PLPPR1: variants seen among roughly 807,000 people sequenced by gnomAD.
PLPPR1 encodes phospholipid phosphatase related 1.
Under a neutral mutation model 33.1 loss-of-function variants are expected in PLPPR1, and 10 were observed. That is an observed-to-expected ratio of 0.30 (90% confidence interval 0.19 to 0.51). The LOEUF is 0.51. Ranked by LOEUF, PLPPR1 falls within the 20% of genes least tolerant of loss-of-function variation. The pLI, the probability that PLPPR1 is intolerant of heterozygous loss-of-function variation, is 0.97. For synonymous variants in PLPPR1, 151 were observed against 151.0 expected (o/e 1.00, Z 0.00); for missense variants, 304 against 408.1 (o/e 0.74, Z 2.20).
Position 101,256,419 on chromosome 9 carries a change from A to C in PLPPR1, c.64-13461A>C, listed in dbSNP as rs1588097763. Among the ~76,000 whole-genome samples the C allele has an allele frequency of 2.0e-5, 3 of 152,114 alleles. No homozygotes were observed. In the South Asian group the frequency reaches 6.2e-4, roughly 32 times the overall value. ...TGATAGTGATGCTGAGCCTGACTGC[A>C]TTGAAGAAGAACTATCTTGTGAGGA... is the stretch of plus-strand genomic sequence containing the variant. On this transcript the variant is annotated intron_variant, in intron 2 of 7. Coordinates refer to ENST00000374874, the MANE Select transcript of PLPPR1 (RefSeq NM_207299.2).
chr9:101,223,362 A>G (rs1826993759), intron 2 of PLPPR1, among the ~76,000 whole-genome samples: 1 of 151,882 alleles, frequency 6.6e-6, no homozygotes, highest in Admixed American at 6.6e-5. Flanking sequence ...AATTGGGGAA[A>G]TCGTGCTATA....
At chr9:101,097,899 G>C (rs1830841355) in intron 1 of PLPPR1, among the ~76,000 whole-genome samples, 1 of 152,182 alleles carries the variant, frequency 6.6e-6, no homozygotes, top group Non-Finnish European at 1.5e-5. Flanking sequence ...GGCATGTCTG[G>C]AGAACCTCAT....
rs572131708 is a variant in PLPPR1 at position 101,100,207 on chromosome 9, A to T, written c.-46+71105A>T. Among the ~76,000 whole-genome samples the T allele has an allele frequency of 6.6e-5, 10 of 152,256 alleles. No homozygotes were observed. The South Asian group carries it at 8.3e-4, about 13-fold the overall frequency. On this transcript the variant is annotated intron_variant, in intron 1 of 7. Coordinates refer to ENST00000374874, the MANE Select transcript of PLPPR1 (RefSeq NM_207299.2). ...AAATTTAGAACGCAGCAAAGTAGAAAGATAAAAAGGTCTGATTTAAAGAAT... is the reference window on the plus strand; with the variant it reads ...AAATTTAGAACGCAGCAAAGTAGAATGATAAAAAGGTCTGATTTAAAGAAT...
intron 1 of PLPPR1, among the ~76,000 whole-genome samples, chr9:101,144,614 C>A (rs767255508): frequency 2.6e-5 from 4 of 152,138 alleles, no homozygotes; most frequent in Non-Finnish European, 5.9e-5. Flanking sequence ...TAACCTTGGA[C>A]TTCCAGCCTC....
chr9:101,222,509 AG>A lies in PLPPR1; in HGVS notation c.63+36955del, dbSNP rs551259432. 4.3e-4 allele frequency among the ~76,000 whole-genome samples: 66 copies of A among 152,258 alleles called. 1 individual carries two copies. In the Middle Eastern group the frequency reaches 0.01, roughly 24 times the overall value. ...GTGTTTTTTCTTCACTGCTTCTCCTAGGGTACCTCCACTTCAGCATGTTTCT... is the reference window on the plus strand; with the variant it reads ...GTGTTTTTTCTTCACTGCTTCTCCTAGGTACCTCCACTTCAGCATGTTTCT... On this transcript the variant is annotated intron_variant, in intron 2 of 7. Transcript: ENST00000374874.
Position 101,047,953 on chromosome 9 carries a change from G to T in PLPPR1, c.-46+18851G>T, listed in dbSNP as rs117596604. 9.4e-4 allele frequency among the ~76,000 whole-genome samples: 143 copies of T among 152,234 alleles called. 1 individual carries two copies. The East Asian group carries it at 0.016, about 17-fold the overall frequency. ...AGAAACTGAACCTTTAATGTTGAAG[G>T]AAGTGATTTAACTTAGGTGTATCTT... On this transcript the variant is annotated intron_variant, in intron 1 of 7. Coordinates refer to ENST00000374874, the MANE Select transcript of PLPPR1 (RefSeq NM_207299.2).
At chr9:101,260,597 C>G (rs1281471637) in intron 2 of PLPPR1, among the ~76,000 whole-genome samples, 1 of 152,096 alleles carries the variant, frequency 6.6e-6, no homozygotes, top group Non-Finnish European at 1.5e-5. Context: ...TTGGATTTAC[C>G]AGGATAGGGA....
chr9:101,274,923 C>T (rs1257394781), intron 3 of PLPPR1, among the ~76,000 whole-genome samples: 1 of 152,152 alleles, frequency 6.6e-6, no homozygotes, highest in African/African-American at 2.4e-5. Flanking sequence ...TCTCTAAGCA[C>T]CTGCCAGTTC....
intron 2 of PLPPR1, among the ~76,000 whole-genome samples, chr9:101,193,317 C>G (rs1266228605): frequency 6.6e-6 from 1 of 152,090 alleles, no homozygotes; most frequent in African/African-American, 2.4e-5. Context: ...TCCTATATTC[C>G]TTAATGGTTC....
chr9:101,072,300 G>A (rs1830491139), intron 1 of PLPPR1, among the ~76,000 whole-genome samples: 1 of 152,030 alleles, frequency 6.6e-6, no homozygotes, highest in African/African-American at 2.4e-5. Flanking sequence ...CCCTCCTCTA[G>A]GTCTTTGGAG....
At chr9:101,307,101 G>A (rs1282273288) in intron 4 of PLPPR1, among the ~76,000 whole-genome samples, 6 of 152,278 alleles carry the variant, frequency 3.9e-5, no homozygotes, top group African/African-American at 9.6e-5. Context: ...GTTGGACAGC[G>A]GATGCTCCTG....
At chr9:101,204,606 G>A (rs894434113) in intron 2 of PLPPR1, among the ~76,000 whole-genome samples, 1 of 152,236 alleles carries the variant, frequency 6.6e-6, no homozygotes, top group Non-Finnish European at 1.5e-5. Context: ...TGGCTACTGT[G>A]TGCACTTCCC....
At chr9:101,046,664 C>T (rs143057370) in intron 1 of PLPPR1, among the ~76,000 whole-genome samples, 3 of 151,718 alleles carry the variant, frequency 2.0e-5, no homozygotes, top group African/African-American at 4.8e-5. Context: ...AGGATGGTCT[C>T]GATCTCCTGA....
chr9:101,092,640 C>G (rs531670123), intron 1 of PLPPR1, among the ~76,000 whole-genome samples: 1 of 152,258 alleles, frequency 6.6e-6, no homozygotes, highest in East Asian at 1.9e-4. Context: ...CGTCCTGTCT[C>G]TGAAGTGAAT....
chr9:101,083,055 T>C lies in PLPPR1; in HGVS notation c.-46+53953T>C, dbSNP rs555332932. On this transcript the variant is annotated intron_variant, in intron 1 of 7. Coordinates refer to ENST00000374874, the MANE Select transcript of PLPPR1 (RefSeq NM_207299.2). ...GAGTAAGCTGAGGCCCGGCCTTTTC[T>C]TTAGAATCTAGTTTAAGGACTGTAA... Among the ~76,000 whole-genome samples the C allele has an allele frequency of 1.2e-4, 18 of 152,284 alleles. No individual in the cohort carries two copies. In the South Asian group the frequency reaches 3.7e-3, roughly 32 times the overall value.
intron 1 of PLPPR1, among the ~76,000 whole-genome samples, chr9:101,037,749 T>A (rs1360050697): frequency 6.6e-6 from 1 of 152,026 alleles, no homozygotes; most frequent in Non-Finnish European, 1.5e-5. Context: ...GACCTTTTCA[T>A]TCACACTTGT....
intron 3 of PLPPR1, among the ~76,000 whole-genome samples, chr9:101,278,877 T>C (rs1311882777): frequency 6.6e-6 from 1 of 152,202 alleles, no homozygotes; most frequent in Non-Finnish European, 1.5e-5. Context: ...ACCCCACCCC[T>C]GTAGTGACCC....
intron 1 of PLPPR1, among the ~76,000 whole-genome samples, chr9:101,081,435 C>G (rs1364395797): frequency 1.3e-5 from 2 of 152,068 alleles, no homozygotes; most frequent in Admixed American, 6.6e-5. Context: ...CCTCATGATC[C>G]ACCCACCTCA....
intron 2 of PLPPR1, among the ~76,000 whole-genome samples, chr9:101,210,810 C>T (rs1826676489): frequency 1.3e-5 from 2 of 152,174 alleles, no homozygotes; most frequent in African/African-American, 4.8e-5. Context: ...CTCTGTCGCC[C>T]AGGCTGGAGT....
Sources: gnomAD v4.1 joint callset for allele counts (sites outside exome capture counted in the v4.1 genomes callset) on GRCh38, gnomAD v4.1.1 for gene constraint, MANE v1.5 for transcripts, NCBI Gene and HGNC (gene_info 2026-07-23, HGNC 2026-07-21) for gene names.